Variants in ANKIB1 observed in about 807,000 individuals in gnomAD.
The protein encoded by ANKIB1 is ankyrin repeat and IBR domain-containing protein 1.
ANKIB1 carries 43 observed loss-of-function variants against 122.1 expected under a neutral mutation model. That is an observed-to-expected ratio of 0.35 (90% CI 0.28 to 0.45). ANKIB1 has a LOEUF of 0.45. Ranked by LOEUF, ANKIB1 falls within the 20% of genes least tolerant of loss-of-function variation. The pLI is 1.00. For synonymous variants in ANKIB1, 390 were observed against 442.0 expected, an observed-to-expected ratio of 0.88 and a Z score of 1.48; for missense variants, 992 against 1,329.5, an observed-to-expected ratio of 0.75 and a Z score of 3.95.
chr7:92,304,384 G>A (rs536325010), intron 2 of ANKIB1, among the ~76,000 whole-genome samples: 2 of 152,150 alleles, frequency 1.3e-5, no homozygotes, highest in East Asian at 1.9e-4. Context: ...TAATGAACCC[G>A]GCGGATTGGC....
At chr7:92,270,953 A>C (rs944457239) in intron 1 of ANKIB1, among the ~76,000 whole-genome samples, 12 of 151,730 alleles carry the variant, frequency 7.9e-5, no homozygotes, top group South Asian at 6.3e-4. Context: ...ACAGGTTTTT[A>C]ATTTTGATAA....
chr7:92,357,707 C>G (rs1017085858), intron 9 of ANKIB1, among the ~76,000 whole-genome samples: 12 of 148,450 alleles, frequency 8.1e-5, no homozygotes, highest in South Asian at 2.1e-4. Context: ...TGCACTCCAG[C>G]CTGGGTGCCA....
At chr7:92,378,480 C>CAAAAAAA (rs146294657) in intron 11 of ANKIB1, among the ~76,000 whole-genome samples, 3 of 80,386 alleles carry the variant, frequency 3.7e-5, no homozygotes, top group African/African-American at 7.5e-5. Context: ...AGCTATTTGA[C>CAAAAAAA]AAAAAAAAAA....
intron 1 of ANKIB1, among the ~76,000 whole-genome samples, chr7:92,268,700 TCCTGGACCCAAACGATCCTCCTA>T (rs1240128970): frequency 1.3e-5 from 2 of 152,204 alleles, no homozygotes; most frequent in Non-Finnish European, 1.5e-5. Flanking sequence ...TGTCTCTAAC[TCCTGGACCCAAACGATCCTCCTA>T]CCTGGACCTC....
rs1384992242 is a variant in ANKIB1 at position 92,282,120 on chromosome 7, G to A, written c.-90-12769G>A. On this transcript the variant is annotated intron_variant, in intron 1 of 19. Transcript: ENST00000265742. ...TTTAGGTTTATGGGGCCCCAGTTGAGGCTAAAAGTTCACCTTTTGGGGCAT... is the reference window on the plus strand; with the variant it reads ...TTTAGGTTTATGGGGCCCCAGTTGAAGCTAAAAGTTCACCTTTTGGGGCAT... Among the ~76,000 whole-genome samples, 5 of 152,094 alleles carry A rather than the reference G, an allele frequency of 3.3e-5. No homozygotes were observed. The East Asian group carries it at 9.7e-4, about 29-fold the overall frequency.
intron 5 of ANKIB1, among the ~76,000 whole-genome samples, chr7:92,331,502 G>A (rs1803173126): frequency 1.3e-5 from 2 of 152,056 alleles, no homozygotes; most frequent in African/African-American, 4.8e-5. Flanking sequence ...TGGAACTCCT[G>A]ACCTCAAGTG....
rs5885805 is a variant in ANKIB1 at position 92,355,848 on chromosome 7, CATAATAATAATAATA to C, written c.1397+3231_1397+3245del. Among the ~76,000 whole-genome samples, 14 of 143,372 alleles carry C rather than the reference CATAATAATAATAATA, an allele frequency of 9.8e-5. No individual in the cohort carries two copies. The East Asian group carries it at 1.0e-3, about 11-fold the overall frequency. 94.1% of individuals were successfully genotyped at this position (143,372 alleles called of 152,430 possible). On this transcript the variant is annotated intron_variant, in intron 9 of 19. Coordinates refer to ENST00000265742, the MANE Select transcript of ANKIB1 (RefSeq NM_019004.2). ...CAGGCAACGGAGCGAGACTCCGTCT[CATAATAATAATAATA>C]ATAATAATAATAATAATAATAATAG...
rs1585126150 is a variant in ANKIB1 at position 92,362,097 on chromosome 7, C to T, written c.1398-88C>T. 2.4e-6 allele frequency: 3 copies of T among 1,230,046 alleles called. No homozygotes were observed. In the East Asian group the frequency reaches 8.0e-5, roughly 33 times the overall value. 76.2% of individuals were successfully genotyped at this position (1,230,046 alleles called of 1,614,324 possible). A position where few individuals can be genotyped will look rare whatever the true frequency, so the allele number is the denominator to read the frequency against. On this transcript the variant is annotated intron_variant, in intron 9 of 19. Transcript: ENST00000265742. ...AAGTGCTGGGATTACAGGCATGAGC[C>T]ACCACGCCCGGCCTCTACACACTTT...
At chr7:92,334,659 C>T (rs1426328389) in intron 5 of ANKIB1, among the ~76,000 whole-genome samples, 1 of 151,786 alleles carries the variant, frequency 6.6e-6, no homozygotes, top group African/African-American at 2.4e-5. Flanking sequence ...TAATAAATAT[C>T]TATGTGAATG....
intron 3 of ANKIB1, among the ~76,000 whole-genome samples, chr7:92,308,611 T>A (rs1367705226): frequency 6.6e-6 from 1 of 152,100 alleles, no homozygotes; most frequent in East Asian, 1.9e-4. Context: ...CCATATATAT[T>A]TCATGTATAA....
chr7:92,343,202 C>T lies in ANKIB1; in HGVS notation c.966C>T (p.Ser322=). ...CTGTCACCTCCCCAGATGAAATCAG[C>T]TTATCTCCTGGGGATTTAGACACCA... ...RSSVTSPDEI[S]LSPGDLDTSL... is the part of the protein sequence containing the mutation. The change falls in exon 6 of 20, where the codon AGC becomes AGT. Residue 322 remains serine, a synonymous_variant. Transcript: ENST00000265742. 4 of 1,613,910 alleles carry T rather than the reference C, an allele frequency of 2.5e-6. No homozygotes were observed. In the South Asian group the frequency reaches 4.4e-5, roughly 18 times the overall value.
Position 92,350,970 on chromosome 7 carries a change from A to G in ANKIB1, c.1106A>G (p.Gln369Arg), listed in dbSNP as rs1362484789. 3.7e-6 allele frequency: 6 copies of G among 1,606,186 alleles called. No homozygotes were observed. The highest frequency in any genetic ancestry group is 5.1e-6 in the Non-Finnish European group (6 of 1,176,628). ...CWESFLNLKI[Q>R]EGEAHNIFCP... The stretch of plus-strand genomic sequence containing the variant: ...AATAGGTTTTTGAATCTGAAAATTC[A>G]AGAAGGTGAAGCTCACAACATTTTT... The change falls in exon 8 of 20, where the codon CAA becomes CGA. Residue 369 changes from glutamine to arginine, a missense_variant. Physicochemically the swap from Gln to Arg is conservative, Grantham distance 43 (BLOSUM62 1). Transcript: ENST00000265742.
At position 92,401,164 on chromosome 7, in the gene ANKIB1, A is replaced by G. The variant is rs1805003821; in HGVS notation, c.*2215A>G. 1 of 152,248 alleles carries G rather than the reference A, an allele frequency of 6.6e-6. No homozygotes were observed. Among genetic ancestry groups the G allele is most frequent in the South Asian group, 2.1e-4 (1 of 4,832 alleles). The allele number at this position is 152,248 out of a possible 1,614,324, so 9.4% of individuals were successfully genotyped here. On this transcript the variant is annotated 3_prime_UTR_variant, in exon 20 of 20. Transcript: ENST00000265742. ...CAGTCATTGACTTTACAATTCAGTAATGAAGTTTGGCAAAGCCTATTTTGT... is the reference window on the plus strand; with the variant it reads ...CAGTCATTGACTTTACAATTCAGTAGTGAAGTTTGGCAAAGCCTATTTTGT...
Position 92,383,861 on chromosome 7 carries a change from A to G in ANKIB1, c.1618-2648A>G, listed in dbSNP as rs1298183385. On this transcript the variant is annotated intron_variant, in intron 11 of 19. Coordinates refer to ENST00000265742, the MANE Select transcript of ANKIB1 (RefSeq NM_019004.2). Reference sequence around the variant, plus strand: ...AGGGATGCCCTCTCTCACCACTCCTATTCAACATAGTGTTGGAAGTTCTGG... The same window carrying G: ...AGGGATGCCCTCTCTCACCACTCCTGTTCAACATAGTGTTGGAAGTTCTGG... Among the ~76,000 whole-genome samples, 3 of 152,312 alleles carry G rather than the reference A, an allele frequency of 2.0e-5. No homozygotes were observed. The East Asian group carries it at 5.8e-4, about 29-fold the overall frequency.
At chr7:92,369,984 T>C (rs1002530735) in intron 10 of ANKIB1, among the ~76,000 whole-genome samples, 2 of 152,152 alleles carry the variant, frequency 1.3e-5, no homozygotes, top group African/African-American at 4.8e-5. Context: ...CAAATTATAG[T>C]AAAATAAGTT....
intron 10 of ANKIB1, among the ~76,000 whole-genome samples, chr7:92,365,816 T>TC (rs1804063580): frequency 1.4e-5 from 1 of 72,990 alleles, no homozygotes; most frequent in African/African-American, 8.0e-5. Flanking sequence ...TTTTTTTTTT[T>TC]GAGACAGTCT....
chr7:92,392,342 G>C (rs762787850), intron 17 of ANKIB1, 50 bp downstream of exon 17: 1 of 1,506,604 alleles, frequency 6.6e-7, no homozygotes, highest in South Asian at 1.2e-5. Context: ...TAGTGCAGTC[G>C]TGCTTGCATT....
chr7:92,253,528 G>C (rs984477531), intron 1 of ANKIB1, among the ~76,000 whole-genome samples: 1 of 152,134 alleles, frequency 6.6e-6, no homozygotes, highest in African/African-American at 2.4e-5. Context: ...TGCATCTTCA[G>C]CTAGCTTGCA....
intron 1 of ANKIB1, among the ~76,000 whole-genome samples, chr7:92,285,101 T>C (rs1031613771): frequency 6.6e-6 from 1 of 152,176 alleles, no homozygotes; most frequent in Non-Finnish European, 1.5e-5. Context: ...AGAGCCTTGC[T>C]CTGTTGCCCA....
Sources: allele counts gnomAD v4.1 joint callset (sites outside exome capture counted in the v4.1 genomes callset), GRCh38; gene constraint gnomAD v4.1.1; transcripts MANE v1.5; gene names NCBI Gene and HGNC (gene_info 2026-07-23, HGNC 2026-07-21).